SHTN1: variants seen among roughly 807,000 people sequenced by gnomAD.
SHTN1 encodes the protein shootin 1.
Under a neutral mutation model 83.1 loss-of-function variants are expected in SHTN1, and 42 were observed. The observed-to-expected ratio is 0.51, with a 90% CI of 0.39 to 0.65. The LOEUF (loss-of-function observed/expected upper bound fraction) is 0.65, where lower values mean the gene tolerates loss of function less well. Ranked by LOEUF, SHTN1 falls within the 30% of genes least tolerant of loss-of-function variation. The probability of loss-of-function intolerance (pLI) is 0.00; values close to 1 mark genes in which losing one functional copy is unlikely to be tolerated. For synonymous variants in SHTN1, 224 were observed against 247.7 expected (o/e 0.90, Z 0.90); for missense variants, 622 against 737.8 (o/e 0.84, Z 1.82).
intron 16 of SHTN1, among the ~76,000 whole-genome samples, chr10:116,892,601 T>C (rs1184499326): frequency 6.6e-6 from 1 of 152,240 alleles, no homozygotes; most frequent in Non-Finnish European, 1.5e-5. Flanking sequence ...TTCTATGTTT[T>C]CAGGAAAATA....
intron 7 of SHTN1, among the ~76,000 whole-genome samples, chr10:116,948,146 C>T (rs1849653313): frequency 6.6e-6 from 1 of 152,186 alleles, no homozygotes; most frequent in Non-Finnish European, 1.5e-5. Flanking sequence ...CAGAACTACA[C>T]TTTGGCATCA....
At chr10:117,126,307 C>T (rs1854007172) in exon 1 of SHTN1, 1 of 162,734 alleles carries the variant, frequency 6.1e-6, no homozygotes, top group African/African-American at 2.4e-5. Context: ...CCTAACTTAC[C>T]ACTTTCCTGG....
chr10:116,911,953 A>T, intron 13 of SHTN1, 110 bp from the exon 14 acceptor site: 1 of 764,630 alleles, frequency 1.3e-6, no homozygotes, highest in Non-Finnish European at 2.2e-6. Context: ...AATATGTATG[A>T]CTATATATAT....
chr10:116,977,237 T>C (rs767763914), intron 2 of SHTN1, among the ~76,000 whole-genome samples: 7 of 152,218 alleles, frequency 4.6e-5, no homozygotes, highest in Non-Finnish European at 1.5e-5. Context: ...ATCTACTTCC[T>C]CTTACATTAT....
At chr10:117,023,919 A>G (rs1254462819) in intron 2 of SHTN1, 1 of 152,670 alleles carries the variant, frequency 6.6e-6, no homozygotes, top group Non-Finnish European at 1.5e-5. Flanking sequence ...TACAAAGTCT[A>G]TAGTAAATCA....
At chr10:117,110,426 A>C (rs1853748634) in intron 1 of SHTN1, among the ~76,000 whole-genome samples, 2 of 152,126 alleles carry the variant, frequency 1.3e-5, no homozygotes, top group African/African-American at 4.8e-5. Context: ...ATCTCGGCTC[A>C]CTACAACCTC....
intron 1 of SHTN1, among the ~76,000 whole-genome samples, chr10:116,981,123 AGC>A (rs1851002532): frequency 1.3e-5 from 2 of 152,204 alleles, no homozygotes; most frequent in African/African-American, 4.8e-5. Flanking sequence ...GTTCAAGACC[AGC>A]CTGGCCAACA....
intron 2 of SHTN1, among the ~76,000 whole-genome samples, chr10:117,030,987 A>G (rs1852406826): frequency 6.6e-6 from 1 of 152,166 alleles, no homozygotes; most frequent in South Asian, 2.1e-4. Context: ...AGAGAAATAT[A>G]TCAATATCCA....
intron 1 of SHTN1, among the ~76,000 whole-genome samples, chr10:117,058,837 C>T (rs1408731687): frequency 1.3e-5 from 2 of 152,148 alleles, no homozygotes; most frequent in African/African-American, 4.8e-5. Flanking sequence ...CTGACACATA[C>T]TACAACATGG....
intron 1 of SHTN1, among the ~76,000 whole-genome samples, chr10:117,107,430 T>C (rs931094067): frequency 6.8e-6 from 1 of 147,626 alleles, no homozygotes; most frequent in African/African-American, 2.4e-5. Context: ...CGTTCCGCAA[T>C]AGGACCCAGA....
intron 14 of SHTN1, among the ~76,000 whole-genome samples, chr10:116,910,795 T>A (rs1378276158): frequency 6.6e-6 from 1 of 152,220 alleles, no homozygotes; most frequent in Non-Finnish European, 1.5e-5. Flanking sequence ...ACATGCTTTT[T>A]CAATGGCTTT....
chr10:116,928,996 C>T (rs1278917702), intron 10 of SHTN1, among the ~76,000 whole-genome samples: 4 of 151,992 alleles, frequency 2.6e-5, no homozygotes, highest in Non-Finnish European at 5.9e-5. Context: ...CTGATATTCA[C>T]TAAAAAGAAT....
intron 1 of SHTN1, among the ~76,000 whole-genome samples, chr10:117,061,299 C>G (rs1032579366): frequency 6.8e-6 from 1 of 147,886 alleles, no homozygotes; most frequent in Non-Finnish European, 1.5e-5. Flanking sequence ...CGCGTTCAAG[C>G]GATTCTCCTG....
At chr10:116,903,357 AC>A (rs1206228392) in intron 15 of SHTN1, among the ~76,000 whole-genome samples, 3 of 151,994 alleles carry the variant, frequency 2.0e-5, no homozygotes, top group Non-Finnish European at 4.4e-5. Flanking sequence ...ACATGGTGAA[AC>A]CCTGTCTCTA....
intron 1 of SHTN1, among the ~76,000 whole-genome samples, chr10:117,101,323 T>C (rs1458634365): frequency 6.6e-6 from 1 of 152,162 alleles, no homozygotes; most frequent in Non-Finnish European, 1.5e-5. Context: ...ACCAATAATC[T>C]AGTGTGAAGA....
chr10:117,035,862 G>C (rs575529379), intron 2 of SHTN1, among the ~76,000 whole-genome samples: 22 of 139,696 alleles, frequency 1.6e-4, no homozygotes, highest in African/African-American at 5.4e-4. Flanking sequence ...CAGGAGAATC[G>C]CTTGAACCTG....
intron 7 of SHTN1, 94 bp downstream of exon 7, chr10:116,948,822 G>T: frequency 1.3e-6 from 1 of 773,266 alleles, no homozygotes; most frequent in Non-Finnish European, 1.9e-6. Context: ...TTTATTTACA[G>T]TCATATTTAG....
chr10:116,943,611 C>T (rs1490105467), intron 8 of SHTN1, among the ~76,000 whole-genome samples: 2 of 152,016 alleles, frequency 1.3e-5, no homozygotes, highest in South Asian at 2.1e-4. Context: ...CTAAATAAAA[C>T]GAATCATAAT....
intron 3 of SHTN1, 24 bp from the exon 4 acceptor site, chr10:116,960,254 T>C (rs1165823004): frequency 2.3e-6 from 3 of 1,310,318 alleles, no homozygotes; most frequent in African/African-American, 2.9e-5. Context: ...GGAAAAAAAA[T>C]CTCAGCATTC....
Sources: allele counts gnomAD v4.1 joint callset (sites outside exome capture counted in the v4.1 genomes callset), GRCh38; gene constraint gnomAD v4.1.1; transcripts MANE v1.5; gene names NCBI Gene and HGNC (gene_info 2026-07-23, HGNC 2026-07-21).